Variants in SLC14A1 observed in about 807,000 individuals in gnomAD.
SLC14A1 encodes solute carrier family 14 member 1 (Kidd blood group).
Under a neutral mutation model 39.6 loss-of-function variants are expected in SLC14A1, and 36 were observed. That is an observed-to-expected ratio of 0.91 (90% CI 0.70 to 1.20). SLC14A1 has a LOEUF of 1.20. SLC14A1 is among the 50% of genes most tolerant of loss of function. The pLI is 0.00. For missense variants in SLC14A1, 469 were observed against 478.7 expected, an observed-to-expected ratio of 0.98 and a Z score of 0.19; for synonymous variants, 164 against 173.6, an observed-to-expected ratio of 0.94 and a Z score of 0.43.
At chr18:45,735,229 T>C (rs1478056268) in intron 5 of SLC14A1, among the ~76,000 whole-genome samples, 2 of 152,226 alleles carry the variant, frequency 1.3e-5, no homozygotes, top group African/African-American at 2.4e-5. Flanking sequence ...TCCTCCATCA[T>C]TGCCTCTCAA....
At chr18:45,741,766 C>T (rs1213484090) in intron 8 of SLC14A1, among the ~76,000 whole-genome samples, 1 of 152,188 alleles carries the variant, frequency 6.6e-6, no homozygotes, top group Admixed American at 6.5e-5. Context: ...GAATGTTTAT[C>T]CTACAACCTT....
intron 5 of SLC14A1, among the ~76,000 whole-genome samples, chr18:45,734,642 A>AG (rs2047132331): frequency 6.6e-6 from 1 of 152,158 alleles, no homozygotes; most frequent in Non-Finnish European, 1.5e-5. Context: ...CAGAAGGCTG[A>AG]GGGGGAAGGA....
intron 8 of SLC14A1, among the ~76,000 whole-genome samples, chr18:45,743,601 A>G (rs1176043761): frequency 6.6e-6 from 1 of 152,156 alleles, no homozygotes; most frequent in African/African-American, 2.4e-5. Context: ...GGAAGTTACC[A>G]TATTTAATTC....
At chr18:45,741,288 A>G (rs1376550065) in intron 8 of SLC14A1, among the ~76,000 whole-genome samples, 1 of 152,204 alleles carries the variant, frequency 6.6e-6, no homozygotes, top group African/African-American at 2.4e-5. Context: ...ATCAAAGTAT[A>G]AGCATTTAAG....
chr18:45,728,223 C>T (rs9304321), intron 2 of SLC14A1, among the ~76,000 whole-genome samples: 63,021 of 151,802 alleles, frequency 0.42, 14,051 homozygotes, highest in East Asian at 0.52. Flanking sequence ...CTGGCCAGTT[C>T]TATTATCAGG....
At chr18:45,748,847 A>G (rs2047629173) in intron 9 of SLC14A1, among the ~76,000 whole-genome samples, 1 of 152,208 alleles carries the variant, frequency 6.6e-6, no homozygotes. Flanking sequence ...TCAAGGCAGT[A>G]TCTAGCCCTT....
chr18:45,725,711 G>A (rs1406146927), intron 2 of SLC14A1, among the ~76,000 whole-genome samples: 2 of 152,160 alleles, frequency 1.3e-5, no homozygotes, highest in Non-Finnish European at 2.9e-5. Flanking sequence ...AACCACCAGA[G>A]CTGACCTATT....
At chr18:45,725,261 G>T (rs2046834270) in intron 2 of SLC14A1, among the ~76,000 whole-genome samples, 1 of 152,262 alleles carries the variant, frequency 6.6e-6, no homozygotes, top group Admixed American at 6.5e-5. Context: ...TCTTGATATT[G>T]CCTTGTATTA....
chr18:45,748,605 G>A (rs1316956877), intron 9 of SLC14A1, among the ~76,000 whole-genome samples, 180 bp downstream of exon 9: 1 of 151,974 alleles, frequency 6.6e-6, no homozygotes, highest in Non-Finnish European at 1.5e-5. Context: ...GCAAACTTTA[G>A]TCCAAACCAC....
chr18:45,740,473 A>G (rs11660575), intron 8 of SLC14A1, among the ~76,000 whole-genome samples: 62,788 of 149,680 alleles, frequency 0.42, 13,972 homozygotes, highest in East Asian at 0.52. Flanking sequence ...CTGAGCCAAG[A>G]TCGCGCCACT....
intron 5 of SLC14A1, among the ~76,000 whole-genome samples, chr18:45,735,526 G>T (rs2047168958): frequency 6.6e-6 from 1 of 151,306 alleles, no homozygotes; most frequent in African/African-American, 2.4e-5. Flanking sequence ...TCCTTTTTCT[G>T]GAAACAAAGA....
chr18:45,727,537 C>A, intron 2 of SLC14A1: 1 of 1,215,522 alleles, frequency 8.2e-7, no homozygotes, highest in Non-Finnish European at 1.1e-6. Flanking sequence ...AAGCCAAAGG[C>A]ACAGGGATCT....
chr18:45,748,963 A>G (rs1179804298), intron 9 of SLC14A1, among the ~76,000 whole-genome samples: 3 of 152,212 alleles, frequency 2.0e-5, no homozygotes, highest in Non-Finnish European at 4.4e-5. Flanking sequence ...TGGAGAGTAC[A>G]TCAGAGCACA....
chr18:45,736,511 T>C lies in SLC14A1; in HGVS notation c.526T>C (p.Phe176Leu), dbSNP rs775123706. 4.3e-6 allele frequency: 7 copies of C among 1,613,920 alleles called. No homozygotes were observed. The highest frequency in any genetic ancestry group is 3.3e-5 in the Admixed American group (2 of 60,012). Residue 176 changes from phenylalanine to leucine, a missense_variant, in exon 6 of 10, where the codon TTC (phenylalanine) becomes CTC (leucine). Coordinates refer to ENST00000321925, the MANE Select transcript of SLC14A1 (RefSeq NM_015865.7). Reference protein sequence around the residue: ...SMLSKWDLPVFTLPFNMALSM... With the variant: ...SMLSKWDLPVLTLPFNMALSM... ...GCTCAGCAAATGGGACCTCCCCGTC[T>C]TCACCCTCCCTTTCAACATGGCGTT...
intron 4 of SLC14A1, 155 bp from the exon 5 acceptor site, chr18:45,734,119 T>C (rs2047113075): frequency 3.2e-6 from 3 of 927,074 alleles, no homozygotes; most frequent in Non-Finnish European, 5.1e-6. Context: ...CTTTATTAGT[T>C]TTTGTACGAT....
At chr18:45,732,388 AG>A (rs1196570001) in intron 4 of SLC14A1, among the ~76,000 whole-genome samples, 2 of 152,190 alleles carry the variant, frequency 1.3e-5, no homozygotes, top group African/African-American at 4.8e-5. Flanking sequence ...AGTTGTTGAG[AG>A]GACAAGTCTG....
At position 45,750,882 on chromosome 18, in the gene SLC14A1, T is replaced by C; in HGVS notation, c.*931T>C. On this transcript the variant is annotated 3_prime_UTR_variant, in exon 10 of 10. Coordinates refer to ENST00000321925, the MANE Select transcript of SLC14A1 (RefSeq NM_015865.7). The stretch of plus-strand genomic sequence containing the variant: ...TCCAAAGGGCTCTTTAAAATCATAT[T>C]TTTTATTCATTTGAGGATGTCTTAT... 1.0e-6 allele frequency: 1 copy of C among 985,348 alleles called. No homozygotes were observed. Among genetic ancestry groups the C allele is most frequent in the Non-Finnish European group, 1.2e-6 (1 of 829,852 alleles). 61.0% of individuals were successfully genotyped at this position (985,348 alleles called of 1,614,324 possible). A position where few individuals can be genotyped will look rare whatever the true frequency, so the allele number is the denominator to read the frequency against.
At chr18:45,738,975 G>A (rs2047277178) in intron 6 of SLC14A1, among the ~76,000 whole-genome samples, 188 bp from the exon 7 acceptor site, 1 of 152,202 alleles carries the variant, frequency 6.6e-6, no homozygotes, top group Admixed American at 6.5e-5. Context: ...TATCTCTGGG[G>A]ATAAAGCTGA....
rs907585207 is a variant in SLC14A1, at chr18:45,749,770, T to C, written c.997-8T>C. 1.2e-6 allele frequency: 2 copies of C among 1,614,076 alleles called. No individual in the cohort carries two copies. The highest frequency in any genetic ancestry group is 1.7e-6 in the Non-Finnish European group (2 of 1,180,038). ...GAAAGGAGCGTGTGGCTTTCTCTTC[T>C]TCCCCAGGTTGGATTGCCAGCTTGT... On this transcript the variant is annotated splice_region_variant and splice_polypyrimidine_tract_variant and intron_variant, in intron 9 of 9. Coordinates refer to ENST00000321925, the MANE Select transcript of SLC14A1 (RefSeq NM_015865.7).
Sources: gnomAD v4.1 joint callset for allele counts (sites outside exome capture counted in the v4.1 genomes callset) on GRCh38, gnomAD v4.1.1 for gene constraint, MANE v1.5 for transcripts, NCBI Gene and HGNC (gene_info 2026-07-23, HGNC 2026-07-21) for gene names.